Variants in USP28 observed in about 807,000 individuals in gnomAD.
USP28 encodes the protein ubiquitin carboxyl-terminal hydrolase 28.
A neutral mutation model predicts 145.0 loss-of-function variants in USP28; 113 were observed. The ratio of observed to expected loss-of-function variants is 0.78; its 90% CI spans 0.67 to 0.91. The LOEUF (loss-of-function observed/expected upper bound fraction) is 0.91, where lower values mean the gene tolerates loss of function less well. USP28 is among the 40% of genes least tolerant of loss of function. USP28 has a pLI of 0.00. For synonymous variants in USP28, 447 were observed against 450.9 expected, an observed-to-expected ratio of 0.99 and a Z score of 0.11; for missense variants, 1,201 against 1,289.6, an observed-to-expected ratio of 0.93 and a Z score of 1.05.
intron 1 of USP28, among the ~76,000 whole-genome samples, chr11:113,862,533 G>A (rs915814730): frequency 2.0e-5 from 3 of 152,160 alleles, no homozygotes; most frequent in African/African-American, 7.2e-5. Flanking sequence ...GTGAACAACT[G>A]GTTCAACGTG....
chr11:113,874,778 G>C lies in USP28; in HGVS notation c.57+667C>G, dbSNP rs946143756. 12 of 1,149,122 alleles carry C rather than the reference G, an allele frequency of 1.0e-5. No homozygotes were observed. In the African/African-American group the frequency reaches 1.9e-4, roughly 19 times the overall value. 71.2% of individuals were successfully genotyped at this position (1,149,122 alleles called of 1,614,324 possible). ...TCACTCTCACCAGATTCTTAGATCA[G>C]AAGTCCTTATATTGATTTCAATCTT... is the stretch of plus-strand genomic sequence containing the variant. On this transcript the variant is annotated intron_variant, in intron 1 of 24. Transcript: ENST00000003302.
intron 18 of USP28, chr11:113,807,998 C>T (rs1440407043): frequency 2.5e-6 from 3 of 1,206,982 alleles, no homozygotes; most frequent in Admixed American, 3.6e-5. Context: ...ATCCTTCCCA[C>T]ACTGGGAATC....
chr11:113,874,090 G>C (rs1591539699), intron 1 of USP28, among the ~76,000 whole-genome samples: 1 of 145,378 alleles, frequency 6.9e-6, no homozygotes, highest in African/African-American at 2.6e-5. Context: ...GCAGTGAGCC[G>C]AGATCGCGCC....
rs114137530 is a variant in USP28, at chr11:113,828,381, C to T, written c.1059+816G>A. ...AGGTTTGCACAGATGGTACAGATGACGTAATTCCTCCATTAGGAATCAGTT... is the reference window on the plus strand; with the variant it reads ...AGGTTTGCACAGATGGTACAGATGATGTAATTCCTCCATTAGGAATCAGTT... On this transcript the variant is annotated intron_variant, in intron 10 of 24. Coordinates refer to ENST00000003302, the Ensembl canonical transcript of USP28. 6.8e-3 allele frequency among the ~76,000 whole-genome samples: 1,040 copies of T among 152,328 alleles called. 14 individuals are homozygous for T. Among genetic ancestry groups the T allele is most frequent in the African/African-American group, 0.024 (1,001 of 41,564 alleles).
chr11:113,808,342 C>T, exon 18 of USP28: 2 of 1,614,010 alleles, frequency 1.2e-6, no homozygotes, highest in Middle Eastern at 1.6e-4. Context: ...TAGGCACGGG[C>T]TGTGTTTGCA....
At chr11:113,829,570 G>C in intron 9 of USP28, 1 of 500,268 alleles carries the variant, frequency 2.0e-6, no homozygotes, top group South Asian at 2.5e-5. Context: ...GCTTATGCCT[G>C]TAATCCCACC....
chr11:113,841,800 T>TATA, intron 3 of USP28, 32 bp from the exon 4 acceptor site: 1 of 1,486,136 alleles, frequency 6.7e-7, no homozygotes. Context: ...AATTAGTCTA[T>TATA]ATATAGGAAA....
intron 2 of USP28, among the ~76,000 whole-genome samples, chr11:113,852,928 A>G (rs1946636616): frequency 6.6e-6 from 1 of 152,124 alleles, no homozygotes; most frequent in Non-Finnish European, 1.5e-5. Context: ...ATTTCTCTGA[A>G]CAGTCTAAAG....
intron 12 of USP28, among the ~76,000 whole-genome samples, chr11:113,819,267 C>T (rs1050830847): frequency 9.9e-5 from 15 of 151,812 alleles, no homozygotes; most frequent in Admixed American, 2.0e-4. Flanking sequence ...TGTGCGATGC[C>T]ACGCCCAGCT....
chr11:113,809,446 A>AT (rs1402401247), intron 16 of USP28, among the ~76,000 whole-genome samples, 192 bp from the exon 17 acceptor site: 2 of 152,180 alleles, frequency 1.3e-5, no homozygotes, highest in Admixed American at 1.3e-4. Context: ...TGGACTTCAA[A>AT]TTTTTTTCAT....
At chr11:113,847,005 A>T (rs1232696632) in intron 3 of USP28, among the ~76,000 whole-genome samples, 2 of 152,160 alleles carry the variant, frequency 1.3e-5, no homozygotes, top group African/African-American at 2.4e-5. Flanking sequence ...AAAAATAAAT[A>T]AATTAATAAA....
intron 1 of USP28, among the ~76,000 whole-genome samples, chr11:113,857,268 C>A (rs1591449634): frequency 6.6e-6 from 1 of 152,200 alleles, no homozygotes; most frequent in African/African-American, 2.4e-5. Flanking sequence ...AAACTTAACA[C>A]AGCATAATAC....
At chr11:113,841,273 C>T (rs1324170226) in intron 4 of USP28, among the ~76,000 whole-genome samples, 1 of 151,984 alleles carries the variant, frequency 6.6e-6, no homozygotes, top group Admixed American at 6.5e-5. Flanking sequence ...AGTACCAGTT[C>T]AAAAAAATAG....
chr11:113,825,620 C>G (rs965565282), intron 11 of USP28, among the ~76,000 whole-genome samples: 8 of 152,170 alleles, frequency 5.3e-5, no homozygotes, highest in African/African-American at 1.9e-4. Flanking sequence ...CAAAAAATCA[C>G]TGCAGTACAT....
At chr11:113,821,481 T>C (rs964655998) in intron 12 of USP28, 24 of 218,688 alleles carry the variant, frequency 1.1e-4, no homozygotes, top group Non-Finnish European at 2.1e-4. Flanking sequence ...TGGAGGCCTT[T>C]CTTCTGGGAG....
rs199716036 is a variant in USP28 at position 113,809,279 on chromosome 11, A to G, written c.1973-25T>C. On this transcript the variant is annotated intron_variant, in intron 16 of 24. Coordinates refer to ENST00000003302, the Ensembl canonical transcript of USP28. ...TCTGAGGAAAAGCAAAGATAGAGTT[A>G]AAAGGTCACAAGGAACGAAAACATC... The G allele has an allele frequency of 1.4e-4, 224 of 1,606,280 alleles. No individual in the cohort carries two copies. In the African/African-American group the frequency reaches 2.7e-3, roughly 19 times the overall value.
chr11:113,852,735 C>T, intron 2 of USP28, 102 bp from the exon 3 acceptor site: 1 of 1,317,090 alleles, frequency 7.6e-7, no homozygotes, highest in Non-Finnish European at 1.0e-6. Context: ...TGAGTACTTT[C>T]AGGCATAATT....
At chr11:113,860,690 G>C (rs757667230) in intron 1 of USP28, among the ~76,000 whole-genome samples, 117 of 151,912 alleles carry the variant, frequency 7.7e-4, no homozygotes, top group Non-Finnish European at 1.4e-3. Flanking sequence ...ATGGTGGCGG[G>C]CACCTGTAGT....
At chr11:113,828,063 A>G (rs1225480613) in intron 10 of USP28, among the ~76,000 whole-genome samples, 1 of 152,224 alleles carries the variant, frequency 6.6e-6, no homozygotes, top group Non-Finnish European at 1.5e-5. Flanking sequence ...GGTGAGGAAA[A>G]GCTAAATCAG....
Sources: allele counts gnomAD v4.1 joint callset (sites outside exome capture counted in the v4.1 genomes callset), GRCh38; gene constraint gnomAD v4.1.1; transcripts MANE v1.5; gene names NCBI Gene and HGNC (gene_info 2026-07-23, HGNC 2026-07-21).